CNTN1: variants seen among roughly 807,000 people sequenced by gnomAD.
CNTN1 encodes contactin-1.
CNTN1 carries 38 observed loss-of-function variants against 126.4 expected under a neutral mutation model. The ratio of observed to expected loss-of-function variants is 0.30; its 90% CI spans 0.23 to 0.39. CNTN1 has a LOEUF of 0.39. Among genes scored for constraint, CNTN1 ranks in the 10% least tolerant of loss-of-function variants. The pLI, the probability that CNTN1 is intolerant of heterozygous loss-of-function variation, is 1.00. For missense variants in CNTN1, 1,009 were observed against 1,248.4 expected (o/e 0.81, Z 2.89); for synonymous variants, 413 against 422.6 (o/e 0.98, Z 0.28).
At chr12:40,957,208 TA>T (rs930689936) in intron 14 of CNTN1, among the ~76,000 whole-genome samples, 8 of 151,834 alleles carry the variant, frequency 5.3e-5, no homozygotes, top group South Asian at 2.1e-4. Flanking sequence ...AGAATCCAAG[TA>T]AAAATCAAAC....
intron 3 of CNTN1, among the ~76,000 whole-genome samples, chr12:40,917,019 T>C (rs1945268770): frequency 7.0e-6 from 1 of 141,970 alleles, no homozygotes; most frequent in South Asian, 2.4e-4. Context: ...TTGGGTTAAC[T>C]TTTTTATTAA....
chr12:40,869,965 G>A (rs999672024), intron 1 of CNTN1, among the ~76,000 whole-genome samples: 1 of 152,130 alleles, frequency 6.6e-6, no homozygotes, highest in Non-Finnish European at 1.5e-5. Context: ...GAGGAACCTG[G>A]TGGGAAGTGA....
chr12:41,014,148 A>G (rs1383472530), intron 17 of CNTN1, 80 bp from the exon 18 acceptor site: 24 of 1,303,218 alleles, frequency 1.8e-5, no homozygotes, highest in Non-Finnish European at 2.6e-5. Flanking sequence ...TTCTGTGGTG[A>G]ATAAGAATTC....
At chr12:40,865,571 G>A (rs774819773) in intron 1 of CNTN1, among the ~76,000 whole-genome samples, 123 of 152,068 alleles carry the variant, frequency 8.1e-4, no homozygotes, top group Non-Finnish European at 1.2e-3. Flanking sequence ...TGAATATTTA[G>A]TTGTTTCAGT....
At chr12:40,750,208 T>C (rs920119381) in intron 1 of CNTN1, among the ~76,000 whole-genome samples, 1 of 152,040 alleles carries the variant, frequency 6.6e-6, no homozygotes, top group African/African-American at 2.4e-5. Flanking sequence ...GATTGTCACT[T>C]CTAAGATGGA....
At chr12:40,697,155 G>A (rs1941470435) in intron 1 of CNTN1, among the ~76,000 whole-genome samples, 1 of 152,110 alleles carries the variant, frequency 6.6e-6, no homozygotes, top group East Asian at 1.9e-4. Flanking sequence ...AGGCAAAAGT[G>A]TAAATATTTT....
chr12:40,754,563 G>A (rs73110881), intron 1 of CNTN1, among the ~76,000 whole-genome samples: 4,457 of 151,750 alleles, frequency 0.029, 120 homozygotes, highest in African/African-American at 0.072. Context: ...TGTGGAAAGC[G>A]CATATACAGA....
chr12:40,882,618 T>G (rs1346906017), intron 1 of CNTN1, among the ~76,000 whole-genome samples: 2 of 151,662 alleles, frequency 1.3e-5, no homozygotes, highest in Non-Finnish European at 3.0e-5. Flanking sequence ...CATCTGGACC[T>G]CTTTCTCCTG....
chr12:40,798,991 A>G (rs1311640865), intron 1 of CNTN1, among the ~76,000 whole-genome samples: 1 of 85,820 alleles, frequency 1.2e-5, no homozygotes, highest in African/African-American at 4.6e-5. Context: ...AACTTTATGT[A>G]TATATGTATA....
intron 1 of CNTN1, among the ~76,000 whole-genome samples, chr12:40,872,398 G>C (rs1044628778): frequency 2.0e-5 from 3 of 151,606 alleles, no homozygotes; most frequent in Admixed American, 1.3e-4. Context: ...TCAAATAAAG[G>C]CTTCCACAAT....
At chr12:40,777,871 G>T (rs1291350557) in intron 1 of CNTN1, among the ~76,000 whole-genome samples, 1 of 151,692 alleles carries the variant, frequency 6.6e-6, no homozygotes. Context: ...TCTTTGGGAA[G>T]GGTAAATATG....
intron 1 of CNTN1, among the ~76,000 whole-genome samples, chr12:40,803,893 C>G (rs1336872930): frequency 2.6e-5 from 4 of 151,730 alleles, no homozygotes; most frequent in Non-Finnish European, 4.4e-5. Flanking sequence ...AAAGTGCATC[C>G]ACTTTAAAGG....
At chr12:41,066,757 T>G (rs1307935365) in intron 23 of CNTN1, among the ~76,000 whole-genome samples, 1 of 152,200 alleles carries the variant, frequency 6.6e-6, no homozygotes, top group African/African-American at 2.4e-5. Context: ...ACTGCTCAAC[T>G]TTTAATTGAA....
At chr12:40,866,281 C>A (rs73120760) in intron 1 of CNTN1, among the ~76,000 whole-genome samples, 3,459 of 151,978 alleles carry the variant, frequency 0.023, 130 homozygotes, top group African/African-American at 0.079. Context: ...ATTCTTTTTT[C>A]CCAACCTGGG....
chr12:40,991,256 C>A (rs1489749271), intron 16 of CNTN1, among the ~76,000 whole-genome samples: 2 of 152,104 alleles, frequency 1.3e-5, no homozygotes, highest in African/African-American at 4.8e-5. Context: ...TTCTGCTCTT[C>A]TAGGTGTGAC....
intron 1 of CNTN1, among the ~76,000 whole-genome samples, chr12:40,842,807 T>C (rs980384819): frequency 2.6e-5 from 4 of 152,160 alleles, no homozygotes; most frequent in African/African-American, 9.6e-5. Flanking sequence ...CATTATTATT[T>C]GTCACACCAT....
intron 1 of CNTN1, among the ~76,000 whole-genome samples, chr12:40,825,775 T>C: frequency 6.6e-6 from 1 of 152,168 alleles, no homozygotes; most frequent in Admixed American, 6.6e-5. Flanking sequence ...CCTTGTGCCA[T>C]ATATTTCTCT....
At chr12:40,840,503 A>C (rs914956834) in intron 1 of CNTN1, among the ~76,000 whole-genome samples, 1 of 152,094 alleles carries the variant, frequency 6.6e-6, no homozygotes, top group Admixed American at 6.5e-5. Flanking sequence ...CATAATAGAC[A>C]TTTACACAAC....
At chr12:40,847,739 A>C (rs1942563846) in intron 1 of CNTN1, among the ~76,000 whole-genome samples, 1 of 152,206 alleles carries the variant, frequency 6.6e-6, no homozygotes. Flanking sequence ...TTACAGCCTG[A>C]AGGAGTGGGC....
Sources: allele counts gnomAD v4.1 joint callset (sites outside exome capture counted in the v4.1 genomes callset), GRCh38; gene constraint gnomAD v4.1.1; transcripts MANE v1.5; gene names NCBI Gene and HGNC (gene_info 2026-07-23, HGNC 2026-07-21).